C9orf72: variants seen among roughly 807,000 people sequenced by gnomAD.
C9orf72 encodes the protein C9orf72-SMCR8 complex subunit.
Under a neutral mutation model 51.6 loss-of-function variants are expected in C9orf72, and 44 were observed. That is an observed-to-expected ratio of 0.85 (90% CI 0.67 to 1.10). The LOEUF (loss-of-function observed/expected upper bound fraction) is 1.10. C9orf72 is among the 50% of genes least tolerant of loss of function. The probability of loss-of-function intolerance (pLI) is 0.00; values close to 1 mark genes in which losing one functional copy is unlikely to be tolerated. For synonymous variants in C9orf72, 213 were observed against 194.2 expected (o/e 1.10, Z -0.81); for missense variants, 607 against 570.6 (o/e 1.06, Z -0.65).
intron 6 of C9orf72, chr9:27,559,990 T>G: frequency 4.1e-6 from 1 of 242,040 alleles, no homozygotes; most frequent in East Asian, 7.5e-5. Flanking sequence ...CTCAAAACCA[T>G]TTATACACTA....
At chr9:27,559,577 T>G (rs187372898) in intron 6 of C9orf72, 122 of 152,258 alleles carry the variant, frequency 8.0e-4, no homozygotes, top group African/African-American at 2.8e-3. Context: ...ATGTAAAACT[T>G]TTTTTAAAAA....
At chr9:27,554,616 A>G (rs1820973158) in intron 8 of C9orf72, 2 of 398,548 alleles carry the variant, frequency 5.0e-6, no homozygotes, top group Non-Finnish European at 8.8e-6. Flanking sequence ...CTGCACATGT[A>G]CACATGAACC....
chr9:27,570,172 G>C (rs576633484), intron 1 of C9orf72, among the ~76,000 whole-genome samples: 1 of 152,156 alleles, frequency 6.6e-6, no homozygotes, highest in Non-Finnish European at 1.5e-5. Context: ...AAGCCGTACA[G>C]CTTCTTTAAA....
Position 27,565,559 on chromosome 9 carries a change from A to G in C9orf72, c.476T>C (p.Leu159Ser). The change falls in exon 3 of 11, where the codon TTA (leucine) becomes TCA (serine). Residue 159 changes from leucine (L) to serine (S), a missense_variant. Coordinates refer to ENST00000380003, the MANE Select transcript of C9orf72 (RefSeq NM_018325.5). ...ERQENVQKII[L>S]EGTERMEDQG... ...ATCTTCCATTCTCTCTGTGCCTTCT[A>G]AGATAATCTTCTGGACATTTTCTTG... is the stretch of plus-strand genomic sequence containing the variant. 1 of 1,606,578 alleles carries G rather than the reference A, an allele frequency of 6.2e-7. No homozygotes were observed. The highest frequency in any genetic ancestry group is 8.5e-7 in the Non-Finnish European group (1 of 1,175,464).
At chr9:27,569,877 G>A (rs1819548315) in intron 1 of C9orf72, among the ~76,000 whole-genome samples, 1 of 152,182 alleles carries the variant, frequency 6.6e-6, no homozygotes, top group Non-Finnish European at 1.5e-5. Context: ...GTATGACAAA[G>A]TAAACAATTT....
At chr9:27,563,706 C>G (rs1430137556) in intron 3 of C9orf72, among the ~76,000 whole-genome samples, 2 of 152,030 alleles carry the variant, frequency 1.3e-5, no homozygotes, top group Non-Finnish European at 1.5e-5. Flanking sequence ...GAAGTTTTAT[C>G]CTAAGCCATA....
Position 27,558,598 on chromosome 9 carries a change from T to C in C9orf72, c.748A>G (p.Thr250Ala). The stretch of plus-strand genomic sequence containing the variant: ...GCTGGAGTCAGAAAAAGGCATAATG[T>C]TCTGACTATCTATAAAAGAAAATAT... ...SAEKVNKIVR[T>A]LCLFLTPAER... Residue 250 changes from threonine (T) to alanine (A), a missense_variant, in exon 7 of 11, where the codon ACA (threonine) becomes GCA (alanine). Coordinates refer to ENST00000380003, the MANE Select transcript of C9orf72 (RefSeq NM_018325.5). 6.4e-7 allele frequency: 1 copy of C among 1,560,536 alleles called. No individual in the cohort carries two copies. Among genetic ancestry groups the C allele is most frequent in the Non-Finnish European group, 8.7e-7 (1 of 1,144,028 alleles).
Position 27,567,007 on chromosome 9 carries a change from A to G in C9orf72, c.114T>C (p.Gly38=). ...GAGCCCAAATGTGCCTTACTCTAGG[A>G]CCAAGAATATTGTCCCAGTAAGCAA... ...ATFAYWDNIL[G]PRVRHIWAPK... is the part of the protein sequence containing the mutation. Residue 38 remains glycine (G), a synonymous_variant, in exon 2 of 11, where the codon GGT becomes GGC. Transcript: ENST00000380003. 6.2e-7 allele frequency: 1 copy of G among 1,614,116 alleles called. No individual in the cohort carries two copies. Among genetic ancestry groups the G allele is most frequent in the South Asian group, 1.1e-5 (1 of 91,082 alleles).
intron 8 of C9orf72, among the ~76,000 whole-genome samples, chr9:27,552,414 C>G (rs1376776360): frequency 6.6e-6 from 1 of 151,966 alleles, no homozygotes; most frequent in Non-Finnish European, 1.5e-5. Context: ...GTGGCATGAT[C>G]TCAGCTCGCT....
chr9:27,554,243 T>A (rs575391917), intron 8 of C9orf72, among the ~76,000 whole-genome samples: 155 of 152,292 alleles, frequency 1.0e-3, no homozygotes, highest in Non-Finnish European at 2.0e-3. Context: ...CTATTCATGA[T>A]AACAAAGACA....
chr9:27,553,006 A>G (rs1175751671), intron 8 of C9orf72, among the ~76,000 whole-genome samples: 1 of 152,066 alleles, frequency 6.6e-6, no homozygotes, highest in Non-Finnish European at 1.5e-5. Flanking sequence ...CTCCTCCTCA[A>G]TTTTTTGGAA....
At chr9:27,561,539 G>C in intron 5 of C9orf72, 46 bp downstream of exon 5, 1 of 1,605,730 alleles carries the variant, frequency 6.2e-7, no homozygotes, top group Non-Finnish European at 8.5e-7. Flanking sequence ...GTGAGCATAA[G>C]ATGGTATCTG....
intron 8 of C9orf72, among the ~76,000 whole-genome samples, chr9:27,552,974 T>C (rs113076260): frequency 0.021 from 3,248 of 152,268 alleles, 56 homozygotes; most frequent in Middle Eastern, 0.048. Context: ...AGAATGATGC[T>C]GGCCTCATTA....
intron 10 of C9orf72, 60 bp from the exon 11 acceptor site, chr9:27,548,482 T>A (rs931060537): frequency 1.0e-5 from 10 of 991,546 alleles, no homozygotes; most frequent in Admixed American, 2.8e-5. Context: ...AATTATGATA[T>A]AGAAAATGTA....
chr9:27,559,957 TA>T (rs1484130491), intron 6 of C9orf72: 1 of 179,830 alleles, frequency 5.6e-6, no homozygotes, highest in Non-Finnish European at 1.2e-5. Context: ...TAATTTTTTT[TA>T]TATATCTGAT....
In C9orf72 at chr9:27,566,833, T is replaced by C. The variant is rs147752518; in HGVS notation, c.288A>G (p.Ser96=). 415 of 1,614,016 alleles carry C rather than the reference T, an allele frequency of 2.6e-4. 1 individual carries two copies. The African/African-American group carries it at 4.8e-3, about 19-fold the overall frequency. The part of the protein sequence containing the change: ...VLSEKGVIIV[S]LIFDGNWNGD... ...CATTCCAGTTTCCATCAAAGATTAATGAAACAATAATCACTCCCTTTTCAG... is the reference window on the plus strand; with the variant it reads ...CATTCCAGTTTCCATCAAAGATTAACGAAACAATAATCACTCCCTTTTCAG... Residue 96 remains serine, a synonymous_variant, in exon 2 of 11, where the codon TCA becomes TCG. Coordinates refer to ENST00000380003, the MANE Select transcript of C9orf72 (RefSeq NM_018325.5).
intron 3 of C9orf72, among the ~76,000 whole-genome samples, chr9:27,564,644 A>T (rs549401131): frequency 6.6e-6 from 1 of 152,040 alleles, no homozygotes; most frequent in Admixed American, 6.6e-5. Context: ...AGATCATTGT[A>T]TTGGGTTCTG....
chr9:27,563,745 A>C (rs1819403445), intron 3 of C9orf72, among the ~76,000 whole-genome samples: 1 of 151,604 alleles, frequency 6.6e-6, no homozygotes, highest in South Asian at 2.1e-4. Flanking sequence ...TGAAAGTTTT[A>C]TTTAAAAAAA....
chr9:27,548,212 G>C lies in C9orf72; in HGVS notation c.*24C>G. On this transcript the variant is annotated 3_prime_UTR_variant, in exon 11 of 11. Coordinates refer to ENST00000380003, the MANE Select transcript of C9orf72 (RefSeq NM_018325.5). ...TTTACCAGCGATCATGATTGTGATGGAATAGGCTTATTAAGTTACACATTT... is the reference window on the plus strand; with the variant it reads ...TTTACCAGCGATCATGATTGTGATGCAATAGGCTTATTAAGTTACACATTT... The C allele has an allele frequency of 6.4e-7, 1 of 1,569,552 alleles. No homozygotes were observed. The highest frequency in any genetic ancestry group is 8.7e-7 in the Non-Finnish European group (1 of 1,147,532).
Sources: allele counts gnomAD v4.1 joint callset (sites outside exome capture counted in the v4.1 genomes callset), GRCh38; gene constraint gnomAD v4.1.1; transcripts MANE v1.5; gene names NCBI Gene and HGNC (gene_info 2026-07-23, HGNC 2026-07-21).